Variants in GRID2 observed in about 807,000 individuals in gnomAD.
GRID2 encodes glutamate receptor ionotropic, delta-2.
A neutral mutation model predicts 114.8 loss-of-function variants in GRID2; 33 were observed. The observed-to-expected ratio is 0.29, with a 90% CI of 0.22 to 0.38. The LOEUF is 0.38. Ranked by LOEUF, GRID2 falls within the 10% of genes least tolerant of loss-of-function variation. The probability of loss-of-function intolerance (pLI) is 1.00; values close to 1 mark genes in which losing one functional copy is unlikely to be tolerated. For missense variants in GRID2, 1,184 were observed against 1,257.7 expected, an observed-to-expected ratio of 0.94 and a Z score of 0.89; for synonymous variants, 505 against 449.9, an observed-to-expected ratio of 1.12 and a Z score of -1.55.
chr4:92,391,232 C>G (rs1308873315), intron 1 of GRID2, among the ~76,000 whole-genome samples: 2 of 152,086 alleles, frequency 1.3e-5, no homozygotes, highest in South Asian at 2.1e-4. Flanking sequence ...AAATTGTCAT[C>G]AGACTGTTTC....
At chr4:93,283,668 G>C (rs898655376) in intron 8 of GRID2, among the ~76,000 whole-genome samples, 21 of 151,980 alleles carry the variant, frequency 1.4e-4, no homozygotes, top group African/African-American at 4.8e-4. Context: ...ATGGTACACT[G>C]GTGCAATGAG....
At chr4:93,622,332 A>G (rs1742286796) in intron 13 of GRID2, among the ~76,000 whole-genome samples, 1 of 152,204 alleles carries the variant, frequency 6.6e-6, no homozygotes, top group Non-Finnish European at 1.5e-5. Flanking sequence ...CCCCACGTAT[A>G]TAAAATTGTT....
At chr4:92,933,709 T>C (rs548240026) in intron 2 of GRID2, among the ~76,000 whole-genome samples, 9 of 151,746 alleles carry the variant, frequency 5.9e-5, no homozygotes, top group East Asian at 1.9e-4. Context: ...CTGAGTAAAA[T>C]TGAGAATAAT....
At chr4:93,429,415 C>T (rs1769183413) in intron 10 of GRID2, among the ~76,000 whole-genome samples, 1 of 152,100 alleles carries the variant, frequency 6.6e-6, no homozygotes, top group African/African-American at 2.4e-5. Context: ...AAGATACATA[C>T]TTAAAAAATT....
intron 2 of GRID2, among the ~76,000 whole-genome samples, chr4:92,958,356 A>G (rs999415360): frequency 6.6e-6 from 1 of 152,000 alleles, no homozygotes; most frequent in African/African-American, 2.4e-5. Context: ...AATGACTGAG[A>G]GATTTTATGA....
chr4:93,379,560 G>A (rs1020368243), intron 8 of GRID2, among the ~76,000 whole-genome samples: 3 of 151,940 alleles, frequency 2.0e-5, no homozygotes, highest in Non-Finnish European at 1.5e-5. Flanking sequence ...AATGTCTAAG[G>A]GATAATAATC....
chr4:93,546,827 A>T (rs1231418106), intron 13 of GRID2, among the ~76,000 whole-genome samples: 2 of 152,136 alleles, frequency 1.3e-5, no homozygotes, highest in Non-Finnish European at 2.9e-5. Context: ...TTAAAGAGTA[A>T]TATTAATATA....
intron 1 of GRID2, among the ~76,000 whole-genome samples, chr4:92,538,792 G>T (rs369857191): frequency 6.6e-6 from 1 of 152,144 alleles, no homozygotes; most frequent in Non-Finnish European, 1.5e-5. Flanking sequence ...TGGCAAGTCA[G>T]AGTATGGTGA....
intron 13 of GRID2, among the ~76,000 whole-genome samples, chr4:93,517,180 A>G (rs1039631892): frequency 2.0e-5 from 3 of 152,106 alleles, no homozygotes; most frequent in Admixed American, 6.6e-5. Flanking sequence ...GAGTAGAGCC[A>G]TAAACCTTTC....
At chr4:92,529,304 G>A (rs1033777557) in intron 1 of GRID2, among the ~76,000 whole-genome samples, 2 of 151,966 alleles carry the variant, frequency 1.3e-5, no homozygotes, top group Non-Finnish European at 2.9e-5. Flanking sequence ...TGACAAACGT[G>A]TATACAAATC....
At chr4:93,375,815 A>C (rs999587932) in intron 8 of GRID2, among the ~76,000 whole-genome samples, 2 of 152,326 alleles carry the variant, frequency 1.3e-5, no homozygotes, top group Non-Finnish European at 2.9e-5. Context: ...AAATGGTAAA[A>C]GTAAAACATG....
At chr4:92,718,761 CAAAAAAAAA>C (rs3077559) in intron 2 of GRID2, among the ~76,000 whole-genome samples, 1 of 41,790 alleles carries the variant, frequency 2.4e-5, no homozygotes, top group South Asian at 1.3e-3. Flanking sequence ...AGACCCTGTC[CAAAAAAAAA>C]AAAAAAAAAA....
chr4:93,573,696 A>G (rs1736142692), intron 13 of GRID2, among the ~76,000 whole-genome samples: 1 of 152,124 alleles, frequency 6.6e-6, no homozygotes, highest in African/African-American at 2.4e-5. Flanking sequence ...TGGTGCTAAC[A>G]TTTTAGTATA....
chr4:93,154,489 C>T (rs2149400715), intron 4 of GRID2, among the ~76,000 whole-genome samples: 1 of 151,992 alleles, frequency 6.6e-6, no homozygotes, highest in East Asian at 1.9e-4. Context: ...TTTTGAATAC[C>T]ACTCCCGGAT....
At chr4:93,242,119 G>C (rs762413818) in intron 8 of GRID2, among the ~76,000 whole-genome samples, 1 of 151,940 alleles carries the variant, frequency 6.6e-6, no homozygotes, top group Non-Finnish European at 1.5e-5. Context: ...TATGTTTGAT[G>C]TTAGGAAGTT....
At chr4:93,195,062 T>G (rs1741353887) in intron 4 of GRID2, among the ~76,000 whole-genome samples, 1 of 152,230 alleles carries the variant, frequency 6.6e-6, no homozygotes, top group East Asian at 1.9e-4. Flanking sequence ...AATTTTGTTC[T>G]AATTTTTTTA....
chr4:92,439,096 G>C (rs1732881534), intron 1 of GRID2, among the ~76,000 whole-genome samples: 1 of 151,926 alleles, frequency 6.6e-6, no homozygotes, highest in Non-Finnish European at 1.5e-5. Flanking sequence ...ACAGGATTTG[G>C]GTAGGTAAAG....
chr4:93,651,785 A>G (rs953907279), intron 14 of GRID2, among the ~76,000 whole-genome samples: 20 of 152,188 alleles, frequency 1.3e-4, no homozygotes, highest in Non-Finnish European at 2.4e-4. Context: ...CATCCCATTT[A>G]ACAAGTATTT....
chr4:93,637,975 T>C lies in GRID2; in HGVS notation c.2360+11540T>C, dbSNP rs1452081437. 5.3e-5 allele frequency among the ~76,000 whole-genome samples: 8 copies of C among 152,260 alleles called. No individual in the cohort carries two copies. In the South Asian group the frequency reaches 1.5e-3, roughly 28 times the overall value. ...CTAATATGAAACAGAATCTGATACT[T>C]CTAGACATGAATTATTACTAAGATA... On this transcript the variant is annotated intron_variant, in intron 14 of 15. Transcript: ENST00000282020.
Sources: gnomAD v4.1 joint callset for allele counts (sites outside exome capture counted in the v4.1 genomes callset) on GRCh38, gnomAD v4.1.1 for gene constraint, MANE v1.5 for transcripts, NCBI Gene and HGNC (gene_info 2026-07-23, HGNC 2026-07-21) for gene names.